CNMD: variants seen among roughly 807,000 people sequenced by gnomAD.
CNMD encodes the protein chondromodulin.
CNMD carries 30 observed loss-of-function variants against 37.5 expected under a neutral mutation model. The ratio of observed to expected loss-of-function variants is 0.80; its 90% confidence interval spans 0.60 to 1.09. The LOEUF is 1.09. Ranked by LOEUF, CNMD falls within the 50% of genes least tolerant of loss-of-function variation. CNMD has a pLI of 0.00. For missense variants in CNMD, 398 were observed against 423.9 expected, an observed-to-expected ratio of 0.94 and a Z score of 0.54; for synonymous variants, 167 against 148.2, an observed-to-expected ratio of 1.13 and a Z score of -0.92.
chr13:52,708,158 A>G (rs1454851613), intron 6 of CNMD, among the ~76,000 whole-genome samples: 2 of 149,132 alleles, frequency 1.3e-5, no homozygotes, highest in Admixed American at 1.4e-4. Context: ...CGCGTTTGAA[A>G]CCTCAAGTAC....
At chr13:52,704,230 A>G (rs988913266) in intron 6 of CNMD, among the ~76,000 whole-genome samples, 1 of 152,236 alleles carries the variant, frequency 6.6e-6, no homozygotes, top group African/African-American at 2.4e-5. Flanking sequence ...AATAGCTTCC[A>G]GGGCTCTAGA....
intron 4 of CNMD, among the ~76,000 whole-genome samples, chr13:52,714,427 G>C (rs556697289): frequency 2.0e-5 from 3 of 152,236 alleles, no homozygotes. Flanking sequence ...TTGTCCACTA[G>C]AGGATCCATC....
At chr13:52,712,906 C>T in intron 4 of CNMD, 37 bp from the exon 5 acceptor site, 1 of 1,475,058 alleles carries the variant, frequency 6.8e-7, no homozygotes, top group East Asian at 2.3e-5. Context: ...GCAAAGAGGA[C>T]AGTGAAACAA....
chr13:52,721,573 G>C (rs1215223178), intron 4 of CNMD, among the ~76,000 whole-genome samples: 1 of 152,174 alleles, frequency 6.6e-6, no homozygotes, highest in African/African-American at 2.4e-5. Context: ...GAGCTTCCTG[G>C]GTGAGTCTAT....
chr13:52,734,236 A>T (rs763905841), intron 2 of CNMD, among the ~76,000 whole-genome samples: 1 of 152,178 alleles, frequency 6.6e-6, no homozygotes, highest in African/African-American at 2.4e-5. Flanking sequence ...GGTGGCTTTC[A>T]TCTATGTCCT....
At chr13:52,738,932 C>G in intron 2 of CNMD, 99 bp downstream of exon 2, 4 of 1,203,720 alleles carry the variant, frequency 3.3e-6, no homozygotes, top group Non-Finnish European at 4.3e-6. Context: ...CCGAGGGGCC[C>G]GCCGGCAGCC....
rs1220274256 is a variant in CNMD at position 52,703,363 on chromosome 13, A to T, written c.*232T>A. The T allele has an allele frequency of 9.7e-6, 4 of 412,076 alleles. No homozygotes were observed. In the Admixed American group the frequency reaches 1.6e-4, roughly 16 times the overall value. 25.5% of individuals were successfully genotyped at this position (412,076 alleles called of 1,614,324 possible). A position where few individuals can be genotyped will look rare whatever the true frequency, so the allele number is the denominator to read the frequency against. On this transcript the variant is annotated 3_prime_UTR_variant, in exon 7 of 7. Transcript: ENST00000377962. ...CAAAGCAATGCAAATAAAAAATAAC[A>T]AATAATAAAGGGGTTATGGCATTTT...
In CNMD at chr13:52,739,608, T is replaced by C; in HGVS notation, c.72+22A>G. 1 of 1,606,364 alleles carries C rather than the reference T, an allele frequency of 6.2e-7. No individual in the cohort carries two copies. Among genetic ancestry groups the C allele is most frequent in the Non-Finnish European group, 8.5e-7 (1 of 1,172,934 alleles). On this transcript the variant is annotated intron_variant, in intron 1 of 6. Coordinates refer to ENST00000377962, the MANE Select transcript of CNMD (RefSeq NM_007015.3). This position sits in a 1 kb window ranked among gnomAD's most constrained non-coding sequence, Gnocchi z 5.4. ...ACTCACACAACCCAGGCCCTGCGTG[T>C]GGAATCCCTGGCGGTACTCACCGGG...
At chr13:52,722,089 C>T (rs61959656) in intron 4 of CNMD, among the ~76,000 whole-genome samples, 6,186 of 151,778 alleles carry the variant, frequency 0.041, 150 homozygotes, top group South Asian at 0.064. Flanking sequence ...ATACTTGCAC[C>T]GAGAAGACGA....
At chr13:52,715,447 A>T (rs1283983731) in intron 4 of CNMD, among the ~76,000 whole-genome samples, 2 of 152,126 alleles carry the variant, frequency 1.3e-5, no homozygotes, top group Non-Finnish European at 2.9e-5. Context: ...GGTTTGCTGC[A>T]TGCATCAACT....
At chr13:52,731,301 A>G (rs1338840276) in intron 3 of CNMD, among the ~76,000 whole-genome samples, 1 of 152,208 alleles carries the variant, frequency 6.6e-6, no homozygotes, top group Admixed American at 6.5e-5. Context: ...GGAAGGGTCC[A>G]TCATTTTCGC....
chr13:52,713,612 CT>C (rs1964325605), intron 4 of CNMD, among the ~76,000 whole-genome samples: 1 of 152,196 alleles, frequency 6.6e-6, no homozygotes, highest in Admixed American at 6.5e-5. Flanking sequence ...TGCTTTCTCC[CT>C]CAGGCTTATG....
At chr13:52,708,500 A>G (rs1964232097) in intron 6 of CNMD, 36 bp downstream of exon 6, 2 of 1,588,830 alleles carry the variant, frequency 1.3e-6, no homozygotes, top group African/African-American at 1.4e-5. Context: ...TGTTTAATGC[A>G]TTTGTCTAAT....
At chr13:52,709,389 G>C (rs928520152) in intron 5 of CNMD, among the ~76,000 whole-genome samples, 35 of 152,190 alleles carry the variant, frequency 2.3e-4, no homozygotes, top group Non-Finnish European at 7.3e-5. Flanking sequence ...AACCACTGTT[G>C]ATCAAATATT....
Position 52,739,006 on chromosome 13 carries a change from C to G in CNMD, c.213+25G>C. 1 of 1,545,152 alleles carries G rather than the reference C, an allele frequency of 6.5e-7. No homozygotes were observed. The highest frequency in any genetic ancestry group is 8.7e-7 in the Non-Finnish European group (1 of 1,152,392). On this transcript the variant is annotated intron_variant, in intron 2 of 6. Transcript: ENST00000377962. The surrounding 1 kb of genome is among the most constrained non-coding windows in gnomAD (Gnocchi z 5.4). ...GGGCACCATGGGCGACACGGGGGTCCCCGCGCGCCGCCCTCTGGACTTACG... is the reference window on the plus strand; with the variant it reads ...GGGCACCATGGGCGACACGGGGGTCGCCGCGCGCCGCCCTCTGGACTTACG...
intron 4 of CNMD, among the ~76,000 whole-genome samples, chr13:52,719,533 A>G (rs1024575844): frequency 1.3e-5 from 2 of 152,194 alleles, no homozygotes; most frequent in Non-Finnish European, 2.9e-5. Flanking sequence ...TGGTGACACA[A>G]TCTCTCAGCA....
At chr13:52,729,048 A>G (rs1293618902) in intron 3 of CNMD, among the ~76,000 whole-genome samples, 1 of 152,202 alleles carries the variant, frequency 6.6e-6, no homozygotes, top group Non-Finnish European at 1.5e-5. Context: ...TGATGAGTGG[A>G]GAGTCCAAGA....
chr13:52,720,775 G>C (rs1279722914), intron 4 of CNMD, among the ~76,000 whole-genome samples: 1 of 152,154 alleles, frequency 6.6e-6, no homozygotes, highest in Non-Finnish European at 1.5e-5. Context: ...TCAGGCACAG[G>C]GGGGTCAGGG....
intron 6 of CNMD, among the ~76,000 whole-genome samples, chr13:52,706,147 TAATTA>T (rs1173278681): frequency 6.6e-6 from 1 of 152,154 alleles, no homozygotes; most frequent in Non-Finnish European, 1.5e-5. Flanking sequence ...CCCTTACACA[TAATTA>T]AAGACAAGCA....
Sources: allele counts gnomAD v4.1 joint callset (sites outside exome capture counted in the v4.1 genomes callset), GRCh38; gene constraint gnomAD v4.1.1; non-coding constraint Gnocchi (gnomAD v3.1); transcripts MANE v1.5; gene names NCBI Gene and HGNC (gene_info 2026-07-23, HGNC 2026-07-21).